BMPR1B: variants seen among roughly 807,000 people sequenced by gnomAD.
BMPR1B encodes bone morphogenetic protein receptor type-1B.
Under a neutral mutation model 59.1 loss-of-function variants are expected in BMPR1B, and 12 were observed. The observed-to-expected ratio is 0.20, with a 90% CI of 0.13 to 0.33. The LOEUF is 0.33. Ranked by LOEUF, BMPR1B falls within the 10% of genes least tolerant of loss-of-function variation. The probability of loss-of-function intolerance (pLI) is 1.00; values close to 1 mark genes in which losing one functional copy is unlikely to be tolerated. For missense variants in BMPR1B, 550 were observed against 610.9 expected, an observed-to-expected ratio of 0.90 and a Z score of 1.05; for synonymous variants, 237 against 207.3, an observed-to-expected ratio of 1.14 and a Z score of -1.23.
chr4:94,993,709 C>CA (rs1721885335), intron 2 of BMPR1B, among the ~76,000 whole-genome samples: 1 of 133,936 alleles, frequency 7.5e-6, no homozygotes, highest in Non-Finnish European at 1.5e-5. Flanking sequence ...CATAGTGAGC[C>CA]AAGTTAGTGT....
intron 8 of BMPR1B, among the ~76,000 whole-genome samples, chr4:95,127,470 A>G (rs1410760082): frequency 6.6e-6 from 1 of 151,932 alleles, no homozygotes; most frequent in Non-Finnish European, 1.5e-5. Context: ...TTATCGTTAG[A>G]AAAAAAAGCA....
chr4:95,077,627 C>T (rs953841122), intron 3 of BMPR1B, among the ~76,000 whole-genome samples: 10 of 152,038 alleles, frequency 6.6e-5, no homozygotes, highest in African/African-American at 2.4e-4. Flanking sequence ...CCTATGTATG[C>T]TCTTCCTATT....
intron 3 of BMPR1B, chr4:95,091,715 T>A: frequency 1.1e-6 from 1 of 935,010 alleles, no homozygotes; most frequent in Non-Finnish European, 1.3e-6. Context: ...AAGCCAATTC[T>A]GGCACAATAA....
intron 2 of BMPR1B, among the ~76,000 whole-genome samples, chr4:94,924,582 T>C (rs1163323586): frequency 6.6e-6 from 1 of 152,154 alleles, no homozygotes; most frequent in Non-Finnish European, 1.5e-5. Context: ...ACTGTTTTAC[T>C]GACCTCCAAC....
chr4:94,933,434 A>T (rs1034561798), intron 2 of BMPR1B, among the ~76,000 whole-genome samples: 10 of 152,118 alleles, frequency 6.6e-5, no homozygotes, highest in African/African-American at 2.4e-4. Flanking sequence ...AATTCTAAGA[A>T]ATGTAGTTAT....
intron 3 of BMPR1B, among the ~76,000 whole-genome samples, chr4:95,061,184 CA>C (rs1412407363): frequency 2.7e-5 from 4 of 148,034 alleles, no homozygotes; most frequent in African/African-American, 9.8e-5. Context: ...CACACACACA[CA>C]CACACACACA....
chr4:94,841,537 C>T (rs1207124445), intron 1 of BMPR1B, among the ~76,000 whole-genome samples: 4 of 152,116 alleles, frequency 2.6e-5, no homozygotes, highest in African/African-American at 4.8e-5. Flanking sequence ...AGGTGCCATC[C>T]GTCACCCCTT....
At chr4:94,798,683 C>A (rs960767652) in intron 1 of BMPR1B, among the ~76,000 whole-genome samples, 19 of 152,124 alleles carry the variant, frequency 1.2e-4, no homozygotes, top group African/African-American at 4.6e-4. Flanking sequence ...ATCTGCCAGT[C>A]AGGCAGAGGT....
chr4:95,088,090 G>T (rs189354826), intron 3 of BMPR1B, among the ~76,000 whole-genome samples: 1 of 152,234 alleles, frequency 6.6e-6, no homozygotes, highest in East Asian at 1.9e-4. Context: ...TACATTCACA[G>T]ATTTTTCTTT....
At chr4:94,926,064 A>C (rs900791055) in intron 2 of BMPR1B, among the ~76,000 whole-genome samples, 316 of 11,498 alleles carry the variant, frequency 0.027, 2 homozygotes, top group African/African-American at 0.1. Flanking sequence ...CCTCCCCCCC[A>C]ATCCCTCCCG....
chr4:94,823,288 C>A (rs1724268116), intron 1 of BMPR1B, among the ~76,000 whole-genome samples: 1 of 152,104 alleles, frequency 6.6e-6, no homozygotes, highest in Non-Finnish European at 1.5e-5. Flanking sequence ...TGGAAGTGGG[C>A]AGAGAAGGGC....
intron 3 of BMPR1B, among the ~76,000 whole-genome samples, chr4:95,044,580 C>T (rs1440534504): frequency 6.6e-6 from 1 of 152,176 alleles, no homozygotes; most frequent in Non-Finnish European, 1.5e-5. Flanking sequence ...TCTCTTTTTA[C>T]CCCTTCCCAC....
intron 1 of BMPR1B, among the ~76,000 whole-genome samples, chr4:94,802,672 G>T (rs1305606191): frequency 2.0e-5 from 3 of 152,094 alleles, no homozygotes; most frequent in African/African-American, 7.2e-5. Flanking sequence ...ATTCACTTAG[G>T]TTACAATTTA....
At chr4:94,787,706 C>T (rs534516595) in intron 1 of BMPR1B, among the ~76,000 whole-genome samples, 1 of 152,280 alleles carries the variant, frequency 6.6e-6, no homozygotes, top group South Asian at 2.1e-4. Flanking sequence ...TTAAATAAAT[C>T]TGTATGCTTT....
chr4:94,822,129 C>T (rs1476292174), intron 1 of BMPR1B, among the ~76,000 whole-genome samples: 2 of 152,336 alleles, frequency 1.3e-5, no homozygotes, highest in African/African-American at 2.4e-5. Context: ...CTTGCTGTGT[C>T]ATCTCATGGT....
chr4:95,072,400 A>G (rs1021446776), intron 3 of BMPR1B, among the ~76,000 whole-genome samples: 5 of 152,182 alleles, frequency 3.3e-5, no homozygotes, highest in African/African-American at 9.6e-5. Flanking sequence ...ACAATAACCA[A>G]TTTTAAGTTC....
At position 95,027,783 on chromosome 4, in the gene BMPR1B, A is replaced by G. The variant is rs534963388; in HGVS notation, c.-18+31649A>G. 4.6e-5 allele frequency among the ~76,000 whole-genome samples: 7 copies of G among 152,276 alleles called. No individual in the cohort carries two copies. The South Asian group carries it at 1.2e-3, about 27-fold the overall frequency. On this transcript the variant is annotated intron_variant, in intron 3 of 12. Transcript: ENST00000515059. ...AATGCCTGCTTTTATATGCATATAC[A>G]CATGTATTTTTCAATATGTTCCATA...
At position 95,037,153 on chromosome 4, in the gene BMPR1B, C is replaced by T. The variant is rs562906030; in HGVS notation, c.-18+41019C>T. On this transcript the variant is annotated intron_variant, in intron 3 of 12. Transcript: ENST00000515059. Reference sequence around the variant, plus strand: ...GTGAGTATCTGACTTTTTCAGCTTCCGTGTTAGTGGAGTGCTACCTCCCAG... The same window carrying T: ...GTGAGTATCTGACTTTTTCAGCTTCTGTGTTAGTGGAGTGCTACCTCCCAG... Among the ~76,000 whole-genome samples, 16 of 152,104 alleles carry T rather than the reference C, an allele frequency of 1.1e-4. No homozygotes were observed. In the South Asian group the frequency reaches 1.5e-3, roughly 14 times the overall value.
At chr4:94,924,402 A>G (rs897646773) in intron 2 of BMPR1B, among the ~76,000 whole-genome samples, 3 of 152,044 alleles carry the variant, frequency 2.0e-5, no homozygotes, top group African/African-American at 4.8e-5. Context: ...CTAGTCTACT[A>G]CTCCCTGAAT....
Sources: allele counts gnomAD v4.1 joint callset (sites outside exome capture counted in the v4.1 genomes callset), GRCh38; gene constraint gnomAD v4.1.1; transcripts MANE v1.5; gene names NCBI Gene and HGNC (gene_info 2026-07-23, HGNC 2026-07-21).